MYO16: variants seen among roughly 807,000 people sequenced by gnomAD.
MYO16 encodes the protein unconventional myosin-XVI.
In MYO16, 94 loss-of-function variants were observed where a neutral mutation model predicts 205.3. That is an observed-to-expected ratio of 0.46 (90% CI 0.39 to 0.54). The LOEUF is 0.54. MYO16 is among the 20% of genes least tolerant of loss of function. MYO16 has a pLI of 0.00. For synonymous variants in MYO16, 988 were observed against 954.0 expected (o/e 1.04, Z -0.66); for missense variants, 2,315 against 2,387.5 (o/e 0.97, Z 0.63).
intron 4 of MYO16, among the ~76,000 whole-genome samples, chr13:108,746,583 T>C (rs1265315897): frequency 6.6e-6 from 1 of 152,158 alleles, no homozygotes; most frequent in Non-Finnish European, 1.5e-5. Context: ...TTTCCCAATA[T>C]ACTGATATGA....
chr13:109,174,777 AGTCTTGCTCT>A lies in MYO16; in HGVS notation c.5324-4761_5324-4752del, dbSNP rs1227373800. On this transcript the variant is annotated intron_variant, in intron 33 of 34. Coordinates refer to ENST00000457511, the MANE Select transcript of MYO16 (RefSeq NM_001198950.3). ...TTTTTTTTTTTTTTTTTTGAGATGG[AGTCTTGCTCT>A]GTCGCCCAGGCTGGAGTGCAGTGGC... is the stretch of plus-strand genomic sequence containing the variant. Among the ~76,000 whole-genome samples, 11 of 108,734 alleles carry A rather than the reference AGTCTTGCTCT, an allele frequency of 1.0e-4. 1 individual carries two copies. The East Asian group carries it at 1.7e-3, about 16-fold the overall frequency. The allele number at this position is 108,734 out of a possible 152,430, so 71.3% of individuals were successfully genotyped here. A position where few individuals can be genotyped will look rare whatever the true frequency, so the allele number is the denominator to read the frequency against.
intron 1 of MYO16, among the ~76,000 whole-genome samples, chr13:108,645,119 G>C (rs1407048684): frequency 6.6e-6 from 1 of 152,182 alleles, no homozygotes; most frequent in Non-Finnish European, 1.5e-5. Context: ...CCTTACTCAT[G>C]ATGAGGGCTT....
At chr13:109,198,039 T>C (rs1374031656) in intron 34 of MYO16, among the ~76,000 whole-genome samples, 1 of 152,196 alleles carries the variant, frequency 6.6e-6, no homozygotes, top group African/African-American at 2.4e-5. Context: ...GAACTTACCC[T>C]GCTTTGCAAT....
At chr13:109,073,531 G>A (rs1007587905) in intron 27 of MYO16, among the ~76,000 whole-genome samples, 2 of 152,002 alleles carry the variant, frequency 1.3e-5, no homozygotes, top group Non-Finnish European at 2.9e-5. Flanking sequence ...TAGAAATAAG[G>A]GGTATCTAAG....
chr13:109,110,031 C>T (rs1237360676), intron 28 of MYO16, among the ~76,000 whole-genome samples: 1 of 152,174 alleles, frequency 6.6e-6, no homozygotes, highest in Admixed American at 6.5e-5. Flanking sequence ...GACAAGGGCT[C>T]CCACACCCCA....
chr13:108,594,584 G>A (rs1299378700), upstream of MYO16, among the ~76,000 whole-genome samples: 1 of 152,182 alleles, frequency 6.6e-6, no homozygotes, highest in East Asian at 1.9e-4. Flanking sequence ...ATATACTGGA[G>A]GATTGGCCTC....
chr13:109,192,061 C>T (rs1262483378), intron 34 of MYO16, among the ~76,000 whole-genome samples: 1 of 152,170 alleles, frequency 6.6e-6, no homozygotes, highest in East Asian at 1.9e-4. Context: ...ATAGAGTCAG[C>T]TAACACTGAT....
At chr13:109,116,881 G>A (rs578022350) in intron 28 of MYO16, among the ~76,000 whole-genome samples, 2 of 152,258 alleles carry the variant, frequency 1.3e-5, no homozygotes, top group South Asian at 2.1e-4. Context: ...GTAGGAGTTG[G>A]AAGGGTGGAC....
chr13:108,792,887 T>C (rs1361975132), intron 5 of MYO16, among the ~76,000 whole-genome samples: 1 of 152,080 alleles, frequency 6.6e-6, no homozygotes, highest in Non-Finnish European at 1.5e-5. Flanking sequence ...ATCAAAGAGA[T>C]CAAAAACTGT....
intron 11 of MYO16, among the ~76,000 whole-genome samples, chr13:108,856,527 T>C (rs750796183): frequency 1.3e-5 from 2 of 152,244 alleles, no homozygotes; most frequent in Admixed American, 6.5e-5. Flanking sequence ...AATCATGTCA[T>C]TGGCATAAAG....
chr13:108,645,682 T>C (rs992193133), intron 1 of MYO16, among the ~76,000 whole-genome samples: 1 of 152,216 alleles, frequency 6.6e-6, no homozygotes, highest in Non-Finnish European at 1.5e-5. Context: ...TGGATCAATG[T>C]TGACTGGAAT....
intron 29 of MYO16, among the ~76,000 whole-genome samples, chr13:109,121,008 C>T (rs1875962430): frequency 6.6e-6 from 1 of 152,102 alleles, no homozygotes; most frequent in Non-Finnish European, 1.5e-5. Context: ...GTGTTTCTAC[C>T]ACTGCACAGC....
rs749724172 is a variant in MYO16, at chr13:108,866,216, A to C, written c.1399A>C (p.Lys467Gln). 3.1e-6 allele frequency: 5 copies of C among 1,603,394 alleles called. No individual in the cohort carries two copies. Among genetic ancestry groups the C allele is most frequent in the Non-Finnish European group, 4.3e-6 (5 of 1,173,500 alleles). The change falls in exon 12 of 35, where the codon AAG (lysine) becomes CAG (glutamine). Residue 467 changes from lysine to glutamine, a missense_variant. Transcript: ENST00000457511. ...CATTCTTTTGCTTGTTAACCCATAC[A>C]AGGAGCTTCCAATTTATTCTTCCAT... Reference protein sequence around the residue: ...GDILLLVNPYKELPIYSSMVS... With the variant: ...GDILLLVNPYQELPIYSSMVS...
rs1437318679 is a variant in MYO16, at chr13:109,140,603, A to C, written c.4391A>C (p.Asp1464Ala). 6.6e-7 allele frequency: 1 copy of C among 1,520,134 alleles called. No homozygotes were observed. The highest frequency in any genetic ancestry group is 2.6e-5 in the East Asian group (1 of 38,192). 94.2% of individuals were successfully genotyped at this position (1,520,134 alleles called of 1,614,324 possible). A position where few individuals can be genotyped will look rare whatever the true frequency, so the allele number is the denominator to read the frequency against. Residue 1464 changes from aspartate to alanine, a missense_variant, in exon 32 of 35, where the codon GAC becomes GCC. By Grantham distance (126) the Asp-to-Ala change is moderately radical. Around this residue, in one of 3 missense-constraint regions of MYO16, gnomAD observed 1,097 missense variants for 1,092.0 expected, o/e 1.00. Transcript: ENST00000457511. This position sits in a 1 kb window ranked among gnomAD's most constrained non-coding sequence, Gnocchi z 8.0. ...GAGATGAAGTGTTGCCTGCCCGACG[A>C]CGGCGGCCCGGGCGCGGGCTCCTTC... ...YEEMKCCLPD[D>A]GGPGAGSFLL...
At chr13:108,966,411 G>C (rs952131050) in intron 20 of MYO16, among the ~76,000 whole-genome samples, 1 of 152,112 alleles carries the variant, frequency 6.6e-6, no homozygotes, top group African/African-American at 2.4e-5. Flanking sequence ...AAATTTTACA[G>C]AGCCTTAAAT....
At chr13:109,023,670 A>AATATATGTATATATACGTATATATGT (rs1886222776) in intron 23 of MYO16, among the ~76,000 whole-genome samples, 2 of 64,874 alleles carry the variant, frequency 3.1e-5, no homozygotes, top group African/African-American at 9.8e-5. Context: ...TATATATGCA[A>AATATATGTATATATACGTATATATGT]ATATATGTAT....
At chr13:109,130,274 T>C (rs1165704546) in intron 31 of MYO16, among the ~76,000 whole-genome samples, 1 of 152,208 alleles carries the variant, frequency 6.6e-6, no homozygotes, top group Non-Finnish European at 1.5e-5. Context: ...ATGCGTTTGG[T>C]CCACTGTGTC....
intron 13 of MYO16, among the ~76,000 whole-genome samples, chr13:108,888,117 T>C (rs1168074696): frequency 1.3e-5 from 2 of 152,274 alleles, no homozygotes; most frequent in East Asian, 3.9e-4. Flanking sequence ...AATGCCAGCA[T>C]CTGAAACACC....
intron 12 of MYO16, among the ~76,000 whole-genome samples, chr13:108,869,523 G>C (rs950832051): frequency 6.6e-6 from 1 of 150,654 alleles, no homozygotes; most frequent in African/African-American, 2.4e-5. Flanking sequence ...AGGAGATCGA[G>C]ACCATCCTGG....
Sources: allele counts gnomAD v4.1 joint callset (sites outside exome capture counted in the v4.1 genomes callset), GRCh38; gene constraint gnomAD v4.1.1; regional missense constraint gnomAD v4.1.1; non-coding constraint Gnocchi (gnomAD v3.1); transcripts MANE v1.5; gene names NCBI Gene and HGNC (gene_info 2026-07-23, HGNC 2026-07-21).